The following NECTIN1 variants were observed in gnomAD, a reference collection of about 807,000 sequenced individuals.
NECTIN1 encodes the protein nectin cell adhesion molecule 1.
In NECTIN1, 23 loss-of-function variants were observed where a neutral mutation model predicts 48.0. The ratio of observed to expected loss-of-function variants is 0.48; its 90% confidence interval spans 0.34 to 0.68. The LOEUF (loss-of-function observed/expected upper bound fraction) is 0.68, where lower values mean the gene tolerates loss of function less well. Among genes scored for constraint, NECTIN1 ranks in the 30% least tolerant of loss-of-function variants. NECTIN1 has a pLI of 0.01. For missense variants in NECTIN1, 591 were observed against 709.9 expected (o/e 0.83, Z 1.90); for synonymous variants, 270 against 288.9 (o/e 0.93, Z 0.66).
Position 119,672,599 on chromosome 11 carries a change from T to A in NECTIN1, c.1003+2560A>T, listed in dbSNP as rs1013632100. 2.0e-5 allele frequency among the ~76,000 whole-genome samples: 3 copies of A among 152,158 alleles called. No homozygotes were observed. The highest frequency in any genetic ancestry group is 7.2e-5 in the African/African-American group (3 of 41,434). ...TGGCAGCTCCTAACGGGTGTGCCGG[T>A]GCCATCCACACAGCCCCCTGAATGC... On this transcript the variant is annotated intron_variant, in intron 5 of 5. Coordinates refer to ENST00000264025, the MANE Select transcript of NECTIN1 (RefSeq NM_002855.5). The surrounding 1 kb of genome is among the most constrained non-coding windows in gnomAD (Gnocchi z 4.3).
intron 1 of NECTIN1, among the ~76,000 whole-genome samples, chr11:119,695,000 G>A (rs982396728): frequency 1.3e-5 from 2 of 152,058 alleles, no homozygotes; most frequent in African/African-American, 4.8e-5. Context: ...AGGGAGGTGA[G>A]GCTCCTACTG....
At chr11:119,697,918 C>CAG in intron 1 of NECTIN1, among the ~76,000 whole-genome samples, 1 of 152,380 alleles carries the variant, frequency 6.6e-6, no homozygotes. Context: ...GGATGGGCTG[C>CAG]AGAGGCTGAA....
chr11:119,665,232 T>C lies in NECTIN1; in HGVS notation c.1069A>G (p.Ile357Val), dbSNP rs1864744508. The C allele has an allele frequency of 2.5e-6, 4 of 1,602,388 alleles. No homozygotes were observed. In the East Asian group the frequency reaches 8.9e-5, roughly 36 times the overall value. ...RRAGPVPTAI[I>V]GGVAGSILLV... Reference sequence around the variant, plus strand: ...AGGATGCTCCCCGCCACGCCCCCAATGATGGCCGTGGGCACCGGCCCGGCG... The same window carrying C: ...AGGATGCTCCCCGCCACGCCCCCAACGATGGCCGTGGGCACCGGCCCGGCG... The change falls in exon 6 of 6, where the codon ATT becomes GTT. Residue 357 changes from isoleucine to valine, a missense_variant. Physicochemically the swap from Ile to Val is conservative, Grantham distance 29. Transcript: ENST00000264025. The surrounding 1 kb of genome is among the most constrained non-coding windows in gnomAD (Gnocchi z 5.1).
downstream of NECTIN1, among the ~76,000 whole-genome samples, chr11:119,660,365 C>A (rs202148609): frequency 1.3e-5 from 2 of 152,024 alleles, no homozygotes; most frequent in South Asian, 2.1e-4. Flanking sequence ...AACAAGAAGA[C>A]CTTCTCTCCA....
chr11:119,648,222 A>AGTGATGATGGTGGTGATGGTG (rs1864424678), intron 5 of NECTIN1, among the ~76,000 whole-genome samples: 1 of 85,144 alleles, frequency 1.2e-5, no homozygotes, highest in Non-Finnish European at 2.5e-5. Flanking sequence ...TGGTGGTGGC[A>AGTGATGATGGTGGTGATGGTG]GTGATGATGG....
At chr11:119,724,707 A>G (rs760628186) in intron 1 of NECTIN1, among the ~76,000 whole-genome samples, 10 of 152,208 alleles carry the variant, frequency 6.6e-5, no homozygotes, top group Admixed American at 2.0e-4. Flanking sequence ...ACACAAGCAC[A>G]TACACCTTCT....
At chr11:119,646,041 T>TC (rs1448002189) in intron 5 of NECTIN1, among the ~76,000 whole-genome samples, 1 of 152,234 alleles carries the variant, frequency 6.6e-6, no homozygotes, top group African/African-American at 2.4e-5. Flanking sequence ...GTCCCCTGCC[T>TC]CCTGGCCTTT....
chr11:119,674,496 T>A (rs1033617723), intron 5 of NECTIN1: 4 of 1,611,696 alleles, frequency 2.5e-6, no homozygotes, highest in African/African-American at 1.4e-5. Context: ...CATCATACTG[T>A]CCCCGTTTTA....
intron 5 of NECTIN1, among the ~76,000 whole-genome samples, chr11:119,666,054 G>A (rs566995998): frequency 9.2e-5 from 14 of 152,190 alleles, no homozygotes; most frequent in Non-Finnish European, 1.3e-4. Context: ...GCAAGGTGGG[G>A]GCCTGGCAGT....
chr11:119,728,693 GCGGGGT>G lies in NECTIN1; in HGVS notation c.-146_-141del. On this transcript the variant is annotated 5_prime_UTR_variant, in exon 1 of 6. Transcript: ENST00000264025. ...AGGTCAGCTGCAGCCGTCGGCCGGG[GCGGGGT>G]GGGCTGGGTGGGATCCGCGCGGCCG... 2.2e-6 allele frequency: 1 copy of G among 463,098 alleles called. No individual in the cohort carries two copies. Among genetic ancestry groups the G allele is most frequent in the East Asian group, 3.6e-5 (1 of 27,562 alleles). The allele number at this position is 463,098 out of a possible 1,614,324, so 28.7% of individuals were successfully genotyped here. A position where few individuals can be genotyped will look rare whatever the true frequency, so the allele number is the denominator to read the frequency against.
chr11:119,651,073 G>C (rs1864483263), intron 5 of NECTIN1, among the ~76,000 whole-genome samples: 1 of 152,154 alleles, frequency 6.6e-6, no homozygotes, highest in Non-Finnish European at 1.5e-5. Flanking sequence ...GTTTGCATGA[G>C]TTGAACTACA....
chr11:119,639,241 C>T (rs1033107491), intron 6 of NECTIN1, among the ~76,000 whole-genome samples: 3 of 152,064 alleles, frequency 2.0e-5, no homozygotes, highest in Non-Finnish European at 2.9e-5. Flanking sequence ...CGTAAAAATC[C>T]GTGATGAACA....
At chr11:119,658,840 T>C (rs1864616733), downstream of NECTIN1, among the ~76,000 whole-genome samples, 1 of 152,148 alleles carries the variant, frequency 6.6e-6, no homozygotes, top group South Asian at 2.1e-4. Context: ...CTCCTGCTGC[T>C]CTCAGGATGT....
intron 5 of NECTIN1, among the ~76,000 whole-genome samples, chr11:119,647,159 GCA>G (rs1449408102): frequency 2.8e-4 from 40 of 144,240 alleles, no homozygotes; most frequent in African/African-American, 1.0e-3. Flanking sequence ...AGCTTGCGGC[GCA>G]TGTGTGTGTG....
intron 5 of NECTIN1, among the ~76,000 whole-genome samples, chr11:119,649,512 A>T (rs1460297545): frequency 6.6e-6 from 1 of 151,854 alleles, no homozygotes; most frequent in Non-Finnish European, 1.5e-5. Flanking sequence ...ACATGGTGAA[A>T]CCCCGTCTCT....
At chr11:119,717,502 A>C (rs918905380) in intron 1 of NECTIN1, among the ~76,000 whole-genome samples, 20 of 152,186 alleles carry the variant, frequency 1.3e-4, no homozygotes, top group Admixed American at 9.2e-4. Flanking sequence ...AATCTAGGCC[A>C]ATGAGATTGG....
intron 1 of NECTIN1, among the ~76,000 whole-genome samples, chr11:119,711,060 CAA>C (rs71470986): frequency 8.7e-4 from 112 of 129,358 alleles, no homozygotes; most frequent in Admixed American, 1.3e-3. Context: ...ATAGGGTTGC[CAA>C]AAAAAAAAAA....
Position 119,672,586 on chromosome 11 carries a change from A to T in NECTIN1, c.1003+2573T>A, listed in dbSNP as rs1413389309. On this transcript the variant is annotated intron_variant, in intron 5 of 5. Transcript: ENST00000264025. This position sits in a 1 kb window ranked among gnomAD's most constrained non-coding sequence, Gnocchi z 4.3. Reference sequence around the variant, plus strand: ...GACTCACTCATGGTGGCAGCTCCTAACGGGTGTGCCGGTGCCATCCACACA... The same window carrying T: ...GACTCACTCATGGTGGCAGCTCCTATCGGGTGTGCCGGTGCCATCCACACA... Among the ~76,000 whole-genome samples the T allele has an allele frequency of 1.3e-5, 2 of 152,082 alleles. No homozygotes were observed. Among genetic ancestry groups the T allele is most frequent in the African/African-American group, 4.8e-5 (2 of 41,418 alleles).
chr11:119,690,852 T>A (rs1301480811), intron 1 of NECTIN1, among the ~76,000 whole-genome samples: 1 of 152,098 alleles, frequency 6.6e-6, no homozygotes, highest in African/African-American at 2.4e-5. Flanking sequence ...CTTCCATCAC[T>A]GCAGAAGCCA....
Sources: gnomAD v4.1 joint callset for allele counts (sites outside exome capture counted in the v4.1 genomes callset) on GRCh38, gnomAD v4.1.1 for gene constraint, Gnocchi (gnomAD v3.1) non-coding constraint, MANE v1.5 for transcripts, NCBI Gene and HGNC (gene_info 2026-07-23, HGNC 2026-07-21) for gene names.